Variants in GNAT2 observed in about 807,000 individuals in gnomAD.
The protein encoded by GNAT2 is G protein subunit alpha transducin 2, also known as guanine nucleotide-binding protein G(t) subunit alpha-2.
GNAT2 carries 32 observed loss-of-function variants against 40.9 expected under a neutral mutation model. The ratio of observed to expected loss-of-function variants is 0.78; its 90% CI spans 0.59 to 1.05. The LOEUF (loss-of-function observed/expected upper bound fraction) is 1.05, where lower values mean the gene tolerates loss of function less well. Ranked by LOEUF, GNAT2 falls within the 50% of genes least tolerant of loss-of-function variation. The pLI is 0.00. For synonymous variants in GNAT2, 141 were observed against 157.2 expected, an observed-to-expected ratio of 0.90 and a Z score of 0.77; for missense variants, 355 against 431.5, an observed-to-expected ratio of 0.82 and a Z score of 1.57.
At position 109,606,242 on chromosome 1, in the gene GNAT2, C is replaced by T. The variant is rs966699132; in HGVS notation, c.590+66G>A. On this transcript the variant is annotated intron_variant, in intron 6 of 8. Transcript: ENST00000679935. ...TAGGCTTCACCAAAGGCCAAGAAGC[C>T]TGCCTGTGCCCCTTTTCAGGATTCC... The T allele has an allele frequency of 1.1e-4, 182 of 1,591,168 alleles. No individual in the cohort carries two copies. The Middle Eastern group carries it at 2.2e-3, about 19-fold the overall frequency.
At chr1:109,612,189 C>T (rs536555973) in intron 2 of GNAT2, 194 of 176,306 alleles carry the variant, frequency 1.1e-3, no homozygotes, top group Non-Finnish European at 1.8e-3. Flanking sequence ...GAATAGAGAG[C>T]CAGGAAGGGA....
At position 109,612,914 on chromosome 1, in the gene GNAT2, G is replaced by C. The variant is rs746796374; in HGVS notation, c.-44C>G. On this transcript the variant is annotated 5_prime_UTR_variant, in exon 2 of 9. Coordinates refer to ENST00000679935, the MANE Select transcript of GNAT2 (RefSeq NM_001377295.2). ...TTTTTCAGGCCCCTAATCCTCTCTC[G>C]TAAGGTTTCCTGTATGTGAGATGGA... 1.6e-6 allele frequency: 2 copies of C among 1,262,234 alleles called. No homozygotes were observed. Among genetic ancestry groups the C allele is most frequent in the African/African-American group, 2.9e-5 (2 of 68,218 alleles). The allele number at this position is 1,262,234 out of a possible 1,614,324, so 78.2% of individuals were successfully genotyped here.
At chr1:109,608,231 A>G (rs1423138133) in intron 5 of GNAT2, 1 of 296,114 alleles carries the variant, frequency 3.4e-6, no homozygotes, top group Non-Finnish European at 6.6e-6. Context: ...TGAAAGAGCC[A>G]TCATGAATCA....
chr1:109,608,872 A>G, intron 4 of GNAT2, 84 bp from the exon 5 acceptor site: 1 of 1,017,862 alleles, frequency 9.8e-7, no homozygotes, highest in Non-Finnish European at 1.5e-6. Flanking sequence ...AATGGAAATC[A>G]TTTTACATTA....
chr1:109,606,075 TCTCTGCC>T lies in GNAT2; in HGVS notation c.608_614del (p.Gly203AspfsTer36). On this transcript the variant is annotated frameshift_variant, in exon 7 of 9. Transcript: ENST00000679935. LOFTEE classifies it high-confidence loss of function. ...AGTGGATCCACTTCTTTCTCTCGGA[TCTCTGCC>T]CTCCCACATCAAACATCCTGAGGGA... 6.2e-7 allele frequency: 1 copy of T among 1,614,026 alleles called. No individual in the cohort carries two copies. Among genetic ancestry groups the T allele is most frequent in the Non-Finnish European group, 8.5e-7 (1 of 1,179,884 alleles).
intron 2 of GNAT2, chr1:109,611,892 C>T (rs1266164573): frequency 6.6e-6 from 1 of 152,246 alleles, no homozygotes; most frequent in Non-Finnish European, 1.5e-5. Context: ...TAGCCTAGTG[C>T]GTCAGCTCCC....
intron 2 of GNAT2, chr1:109,612,372 T>C: frequency 3.0e-6 from 1 of 334,372 alleles, no homozygotes; most frequent in Non-Finnish European, 5.9e-6. Flanking sequence ...GGGAAGGTCC[T>C]GTTCTCTTCT....
intron 2 of GNAT2, 94 bp downstream of exon 2, chr1:109,612,659 C>T: frequency 1.2e-6 from 1 of 814,250 alleles, no homozygotes; most frequent in South Asian, 1.3e-5. Flanking sequence ...ACCTGCCACC[C>T]TTCCTTCCCA....
chr1:109,612,673 G>A (rs1649832814), intron 2 of GNAT2, 80 bp downstream of exon 2: 2 of 858,592 alleles, frequency 2.3e-6, no homozygotes, highest in East Asian at 2.4e-5. Flanking sequence ...CTTCCCATGG[G>A]GTGAGGTAGA....
chr1:109,613,636 A>G (rs1012580569), intron 1 of GNAT2: 2 of 153,002 alleles, frequency 1.3e-5, no homozygotes, highest in Admixed American at 6.5e-5. Context: ...CTGGAGCTCA[A>G]CGGACCAAAT....
Position 109,610,169 on chromosome 1 carries a change from CT to C in GNAT2, c.173del (p.Gln58ArgfsTer31). Reference sequence around the variant, plus strand: ...GGCATTCTTCTGGTGAATAGCCATCCTGGTGAATGATCCTGCAAGGGGCAGA... The same window carrying C: ...GGCATTCTTCTGGTGAATAGCCATCCGGTGAATGATCCTGCAAGGGGCAGA... ...TIVKQMKIIH[Q>X]DGYSPEECLE... On this transcript the variant is annotated frameshift_variant, in exon 4 of 9. Coordinates refer to ENST00000679935, the MANE Select transcript of GNAT2 (RefSeq NM_001377295.2). LOFTEE classifies it high-confidence loss of function. 6.2e-7 allele frequency: 1 copy of C among 1,614,108 alleles called. No individual in the cohort carries two copies. The highest frequency in any genetic ancestry group is 8.5e-7 in the Non-Finnish European group (1 of 1,179,958).
intron 4 of GNAT2, chr1:109,609,476 A>AT (rs1228178800): frequency 5.6e-6 from 1 of 179,968 alleles, no homozygotes; most frequent in African/African-American, 2.4e-5. Flanking sequence ...CTACAAAAAA[A>AT]TTTTAAAAAA....
At chr1:109,615,121 G>A (rs1252587627) in intron 1 of GNAT2, 1 of 152,236 alleles carries the variant, frequency 6.6e-6, no homozygotes, top group African/African-American at 2.4e-5. Context: ...GCTGAACAAT[G>A]TAAGTGGCTC....
chr1:109,616,942 T>C lies in GNAT2; in HGVS notation c.-54+2541A>G, dbSNP rs997368983. The C allele has an allele frequency of 2.6e-5, 4 of 151,918 alleles. No homozygotes were observed. In the East Asian group the frequency reaches 7.7e-4, roughly 29 times the overall value. 9.4% of individuals were successfully genotyped at this position (151,918 alleles called of 1,614,324 possible). ...TGAAGATGAAGACAAGAAAGGGAAA[T>C]TGGAGCCAGCCAGTGAAGCGCCTTC... On this transcript the variant is annotated intron_variant, in intron 1 of 8. Coordinates refer to ENST00000679935, the MANE Select transcript of GNAT2 (RefSeq NM_001377295.2).
chr1:109,613,020 A>G, intron 1 of GNAT2, 97 bp from the exon 2 acceptor site: 1 of 745,436 alleles, frequency 1.3e-6, no homozygotes. Flanking sequence ...GTGAGAGAGC[A>G]GGCTGTAGGG....
intron 1 of GNAT2, chr1:109,616,525 G>A (rs1056246162): frequency 6.6e-6 from 1 of 152,274 alleles, no homozygotes; most frequent in Non-Finnish European, 1.5e-5. Flanking sequence ...GAAGGATGAG[G>A]AACTACCTTC....
intron 5 of GNAT2, chr1:109,606,857 A>AAT: frequency 1.4e-5 from 3 of 207,840 alleles, no homozygotes; most frequent in African/African-American, 2.3e-5. Flanking sequence ...GAAACATTTG[A>AAT]GATAACTGGG....
At chr1:109,604,329 C>G in intron 7 of GNAT2, 2 of 561,334 alleles carry the variant, frequency 3.6e-6, no homozygotes, top group South Asian at 4.0e-5. Context: ...TGAGCTTTTT[C>G]TGAGTCTGTT....
At chr1:109,610,539 C>G in intron 2 of GNAT2, 32 bp from the exon 3 acceptor site, 1 of 1,601,214 alleles carries the variant, frequency 6.2e-7, no homozygotes, top group Non-Finnish European at 8.6e-7. Context: ...CTTTCGATTT[C>G]CACCAGTTCT....
Sources: allele counts gnomAD v4.1 joint callset, GRCh38; gene constraint gnomAD v4.1.1; transcripts MANE v1.5; gene names NCBI Gene and HGNC (gene_info 2026-07-23, HGNC 2026-07-21).